The following ATXN1 variants were observed in gnomAD, a reference collection of about 807,000 sequenced individuals.
The protein encoded by ATXN1 is ataxin-1.
ATXN1 carries 8 observed loss-of-function variants against 56.4 expected under a neutral mutation model. The observed-to-expected ratio is 0.14, with a 90% confidence interval of 0.08 to 0.26. ATXN1 has a LOEUF of 0.26. Ranked by LOEUF, ATXN1 falls within the 10% of genes least tolerant of loss-of-function variation. The pLI is 1.00. For missense variants in ATXN1, 987 were observed against 1,106.5 expected (o/e 0.89, Z 1.53); for synonymous variants, 514 against 494.6 (o/e 1.04, Z -0.52).
chr6:16,471,191 A>AAC (rs5874560), intron 6 of ATXN1, among the ~76,000 whole-genome samples: 23,298 of 147,890 alleles, frequency 0.16, 1,951 homozygotes, highest in Admixed American at 0.24. Context: ...TGGCAATTAA[A>AAC]ACACACACAC....
intron 3 of ATXN1, among the ~76,000 whole-genome samples, chr6:16,648,170 T>G (rs575162373): frequency 1.3e-5 from 2 of 152,364 alleles, no homozygotes; most frequent in South Asian, 4.1e-4. Flanking sequence ...TTCACTTCTC[T>G]TTTATATCCT....
At chr6:16,602,376 T>C (rs9367917) in intron 3 of ATXN1, among the ~76,000 whole-genome samples, 102,527 of 152,050 alleles carry the variant, frequency 0.67, 36,541 homozygotes, top group East Asian at 0.98. Context: ...GCTTTTAATT[T>C]TTTTAAGCTT....
At chr6:16,548,634 C>T (rs1014419082) in intron 4 of ATXN1, among the ~76,000 whole-genome samples, 1 of 151,126 alleles carries the variant, frequency 6.6e-6, no homozygotes, top group Non-Finnish European at 1.5e-5. Context: ...TTTTTTAAAA[C>T]AATACTAAGG....
rs568662517 is a variant in ATXN1, at chr6:16,362,048, TG to T, written c.-160-33579del. On this transcript the variant is annotated intron_variant, in intron 6 of 7. Coordinates refer to ENST00000436367, the MANE Select transcript of ATXN1 (RefSeq NM_001128164.2). The stretch of plus-strand genomic sequence containing the variant: ...GTGTGGATGGCCTTTGTTCCCTTGC[TG>T]GGTGAGCCGGGTCAGCCCTGCTGTG... Among the ~76,000 whole-genome samples, 9 of 152,350 alleles carry T rather than the reference TG, an allele frequency of 5.9e-5. No individual in the cohort carries two copies. In the South Asian group the frequency reaches 1.9e-3, roughly 32 times the overall value.
chr6:16,700,682 C>T (rs1759263180), intron 2 of ATXN1, among the ~76,000 whole-genome samples: 1 of 152,066 alleles, frequency 6.6e-6, no homozygotes, highest in South Asian at 2.1e-4. Context: ...GACCTCCAAA[C>T]GTGGGCAGGA....
chr6:16,492,279 TG>T (rs1319589621), intron 5 of ATXN1, among the ~76,000 whole-genome samples: 1 of 134,450 alleles, frequency 7.4e-6, no homozygotes, highest in Non-Finnish European at 1.6e-5. Flanking sequence ...TGTAGTGGGG[TG>T]GGGGGAGCGG....
intron 2 of ATXN1, among the ~76,000 whole-genome samples, chr6:16,722,223 C>T (rs1008896992): frequency 6.6e-6 from 1 of 152,182 alleles, no homozygotes; most frequent in African/African-American, 2.4e-5. Context: ...CAGCAGGGGG[C>T]GGCTGTAAGC....
intron 4 of ATXN1, among the ~76,000 whole-genome samples, chr6:16,532,885 T>C (rs1391060020): frequency 6.6e-6 from 1 of 152,176 alleles, no homozygotes; most frequent in Non-Finnish European, 1.5e-5. Flanking sequence ...CTTCTAGGTA[T>C]ATACCCAAAA....
intron 6 of ATXN1, among the ~76,000 whole-genome samples, chr6:16,376,872 T>C (rs1419140542): frequency 6.6e-6 from 1 of 152,244 alleles, no homozygotes; most frequent in East Asian, 1.9e-4. Context: ...ACTGTAGTTA[T>C]ATATACTCAA....
intron 7 of ATXN1, among the ~76,000 whole-genome samples, chr6:16,309,399 C>G (rs1242808325): frequency 6.6e-6 from 1 of 151,832 alleles, no homozygotes; most frequent in Non-Finnish European, 1.5e-5. Context: ...CTAATTAGAG[C>G]TTTAGAAGAG....
chr6:16,423,405 C>T (rs563916252), intron 6 of ATXN1, among the ~76,000 whole-genome samples: 3 of 152,268 alleles, frequency 2.0e-5, no homozygotes, highest in South Asian at 2.1e-4. Context: ...TTGTGATGTT[C>T]CAGGGGTTTA....
intron 6 of ATXN1, among the ~76,000 whole-genome samples, chr6:16,434,292 T>C (rs181347112): frequency 6.6e-5 from 10 of 152,314 alleles, no homozygotes; most frequent in Non-Finnish European, 1.0e-4. Flanking sequence ...AATCAACCCC[T>C]TTCCTTCTTC....
chr6:16,747,760 T>C (rs1760582309), intron 2 of ATXN1, among the ~76,000 whole-genome samples: 1 of 152,130 alleles, frequency 6.6e-6, no homozygotes, highest in Non-Finnish European at 1.5e-5. Flanking sequence ...ATCTTTCTTC[T>C]CTATCATCTT....
At chr6:16,684,900 G>A (rs1175193040) in intron 2 of ATXN1, among the ~76,000 whole-genome samples, 1 of 150,146 alleles carries the variant, frequency 6.7e-6, no homozygotes, top group Admixed American at 6.7e-5. Context: ...TCGCCTTCAT[G>A]TTCTAAGAGT....
intron 4 of ATXN1, among the ~76,000 whole-genome samples, chr6:16,561,419 G>C (rs1415326290): frequency 6.6e-6 from 1 of 152,074 alleles, no homozygotes; most frequent in East Asian, 1.9e-4. Context: ...GCTAAGTTTT[G>C]CTTTTCTTCA....
intron 6 of ATXN1, among the ~76,000 whole-genome samples, chr6:16,469,245 G>C (rs1453902377): frequency 6.6e-6 from 1 of 152,216 alleles, no homozygotes; most frequent in Admixed American, 6.5e-5. Flanking sequence ...TTGCCCTTAA[G>C]AAGCTTCTAT....
intron 4 of ATXN1, among the ~76,000 whole-genome samples, chr6:16,585,384 A>G (rs959542483): frequency 2.0e-5 from 3 of 152,212 alleles, no homozygotes; most frequent in Admixed American, 6.5e-5. Flanking sequence ...ATCTGTTGCT[A>G]TGAAAGATGT....
chr6:16,346,620 G>A (rs774634085), intron 6 of ATXN1, among the ~76,000 whole-genome samples: 2 of 152,192 alleles, frequency 1.3e-5, no homozygotes, highest in Admixed American at 6.5e-5. Flanking sequence ...TTGATAACTC[G>A]TGACTTTAGG....
intron 4 of ATXN1, among the ~76,000 whole-genome samples, chr6:16,537,992 A>C (rs535288477): frequency 6.6e-6 from 1 of 152,338 alleles, no homozygotes; most frequent in South Asian, 2.1e-4. Flanking sequence ...AATCTCAGCT[A>C]CTTGGGAGGT....
Sources: allele counts gnomAD v4.1 joint callset (sites outside exome capture counted in the v4.1 genomes callset), GRCh38; gene constraint gnomAD v4.1.1; transcripts MANE v1.5; gene names NCBI Gene and HGNC (gene_info 2026-07-23, HGNC 2026-07-21).